Variants in NSMAF observed in about 807,000 individuals in gnomAD.
The protein encoded by NSMAF is protein FAN.
NSMAF carries 90 observed loss-of-function variants against 134.9 expected under a neutral mutation model. That is an observed-to-expected ratio of 0.67 (90% CI 0.56 to 0.79). NSMAF has a LOEUF of 0.79. NSMAF is among the 30% of genes least tolerant of loss of function. NSMAF has a pLI of 0.00. For missense variants in NSMAF, 1,010 were observed against 1,119.0 expected, an observed-to-expected ratio of 0.90 and a Z score of 1.39; for synonymous variants, 358 against 389.6, an observed-to-expected ratio of 0.92 and a Z score of 0.96.
chr8:58,633,373 C>T (rs1042556507), intron 5 of NSMAF, among the ~76,000 whole-genome samples: 1 of 152,236 alleles, frequency 6.6e-6, no homozygotes, highest in Non-Finnish European at 1.5e-5. Context: ...AGCTCAATGC[C>T]TTAAGCCTTC....
chr8:58,600,635 A>G (rs1042165828), intron 16 of NSMAF, among the ~76,000 whole-genome samples: 2 of 150,716 alleles, frequency 1.3e-5, no homozygotes, highest in Non-Finnish European at 3.0e-5. Context: ...AAAAAAAAAA[A>G]AAAAAAAAAA....
intron 1 of NSMAF, chr8:58,659,246 G>A (rs1053000181): frequency 1.3e-6 from 2 of 1,503,772 alleles, no homozygotes; most frequent in African/African-American, 2.9e-5. Context: ...CCCGGACCCC[G>A]CGCGGCCTTC....
chr8:58,654,464 C>T (rs1027225263), intron 1 of NSMAF, among the ~76,000 whole-genome samples: 13 of 152,092 alleles, frequency 8.5e-5, no homozygotes, highest in African/African-American at 4.8e-5. Context: ...GCAGGAGAAT[C>T]GCTTGAACCC....
intron 6 of NSMAF, among the ~76,000 whole-genome samples, chr8:58,627,223 G>A (rs924772090): frequency 6.6e-6 from 1 of 151,990 alleles, no homozygotes; most frequent in Non-Finnish European, 1.5e-5. Context: ...ATTAGGTCCC[G>A]TTTATTTATT....
At position 58,659,682 on chromosome 8, in the gene NSMAF, C is replaced by A; in HGVS notation, c.-51G>T. ...AGCGCACAGGCAGGCCCCGCCGCCG[C>A]CTGCCGAGGAGGTCCGGAGGAGCCG... On this transcript the variant is annotated 5_prime_UTR_variant, in exon 1 of 31. Coordinates refer to ENST00000038176, the MANE Select transcript of NSMAF (RefSeq NM_003580.4). The A allele has an allele frequency of 1.5e-6, 2 of 1,335,428 alleles. No individual in the cohort carries two copies. Among genetic ancestry groups the A allele is most frequent in the South Asian group, 1.9e-5 (1 of 51,882 alleles). The allele number at this position is 1,335,428 out of a possible 1,614,324, so 82.7% of individuals were successfully genotyped here.
rs1376873020 is a variant in NSMAF at position 58,583,878 on chromosome 8, C to G, written c.*228G>C. ...CATACGGGGACGATCATCTGCCTTA[C>G]AGTGTAACATGTTTTTCCTAACACA... On this transcript the variant is annotated 3_prime_UTR_variant, in exon 31 of 31. Coordinates refer to ENST00000038176, the MANE Select transcript of NSMAF (RefSeq NM_003580.4). The G allele has an allele frequency of 5.7e-6, 3 of 530,322 alleles. No homozygotes were observed. In the African/African-American group the frequency reaches 5.8e-5, roughly 10 times the overall value. The allele number at this position is 530,322 out of a possible 1,614,324, so 32.9% of individuals were successfully genotyped here. A position where few individuals can be genotyped will look rare whatever the true frequency, so the allele number is the denominator to read the frequency against.
intron 1 of NSMAF, among the ~76,000 whole-genome samples, chr8:58,645,913 C>A (rs1031152448): frequency 2.0e-5 from 3 of 152,002 alleles, no homozygotes; most frequent in Non-Finnish European, 4.4e-5. Flanking sequence ...TGGTGGCGGG[C>A]GCCTATAATC....
chr8:58,596,236 TTC>T (rs1173371999), intron 21 of NSMAF, among the ~76,000 whole-genome samples: 4 of 152,222 alleles, frequency 2.6e-5, no homozygotes, highest in African/African-American at 7.2e-5. Flanking sequence ...CTCTAGAGTA[TTC>T]TCTCTTAAAG....
chr8:58,640,006 G>A (rs1343382040), intron 2 of NSMAF: 1 of 451,790 alleles, frequency 2.2e-6, no homozygotes, highest in Non-Finnish European at 4.4e-6. Flanking sequence ...GCTTTGTTCA[G>A]GCAAGAGTAA....
intron 8 of NSMAF, 41 bp downstream of exon 8, chr8:58,623,336 T>C (rs762222824): frequency 4.6e-5 from 74 of 1,608,386 alleles, no homozygotes; most frequent in Non-Finnish European, 5.4e-5. Flanking sequence ...TCAATACAAG[T>C]TAATTGACAA....
chr8:58,633,228 A>T (rs899930337), intron 5 of NSMAF, among the ~76,000 whole-genome samples: 25 of 152,198 alleles, frequency 1.6e-4, no homozygotes, highest in African/African-American at 6.0e-4. Context: ...GCCTCCCTTG[A>T]GTGTTCTCCT....
chr8:58,609,211 C>T (rs1463382783), intron 10 of NSMAF, among the ~76,000 whole-genome samples: 1 of 152,238 alleles, frequency 6.6e-6, no homozygotes, highest in Non-Finnish European at 1.5e-5. Flanking sequence ...GAAATACCAA[C>T]ATCTGTGTAT....
At chr8:58,627,555 T>C (rs11985566) in intron 6 of NSMAF, among the ~76,000 whole-genome samples, 47,914 of 152,040 alleles carry the variant, frequency 0.32, 7,898 homozygotes, top group Non-Finnish European at 0.35. Flanking sequence ...AGCACTGCTA[T>C]ACACCAACAA....
chr8:58,635,246 A>T (rs1437155469), intron 4 of NSMAF, 21 bp from the exon 5 acceptor site: 21 of 1,608,780 alleles, frequency 1.3e-5, no homozygotes, highest in Non-Finnish European at 1.8e-5. Context: ...GATAAAAGTC[A>T]TTAAATATAT....
Position 58,600,195 on chromosome 8 carries a change from GC to G in NSMAF, c.1281-175del. On this transcript the variant is annotated intron_variant, in intron 16 of 30. Coordinates refer to ENST00000038176, the MANE Select transcript of NSMAF (RefSeq NM_003580.4). ...CACTTTAACAAAAGGGAACACTGGG[GC>G]CCAGAGAGTTTATGTAACTTCTCCA... 5.0e-6 allele frequency: 3 copies of G among 605,670 alleles called. No individual in the cohort carries two copies. In the South Asian group the frequency reaches 6.2e-5, roughly 13 times the overall value. 37.5% of individuals were successfully genotyped at this position (605,670 alleles called of 1,614,324 possible).
intron 2 of NSMAF, among the ~76,000 whole-genome samples, chr8:58,640,750 C>A (rs1422720184): frequency 6.6e-6 from 1 of 151,804 alleles, no homozygotes; most frequent in Non-Finnish European, 1.5e-5. Context: ...TAAATAGAAA[C>A]AGAGTTTCGC....
chr8:58,593,887 T>C (rs952647606), intron 23 of NSMAF, among the ~76,000 whole-genome samples: 2 of 152,324 alleles, frequency 1.3e-5, no homozygotes, highest in East Asian at 3.9e-4. Flanking sequence ...CACACATCAA[T>C]TTCTGATACA....
At chr8:58,623,197 A>G (rs1009083093) in intron 9 of NSMAF, 23 bp downstream of exon 9, 2 of 1,561,498 alleles carry the variant, frequency 1.3e-6, no homozygotes, top group African/African-American at 2.7e-5. Flanking sequence ...TTTTCTAATT[A>G]GGAAAGATCA....
chr8:58,623,853 G>C, intron 6 of NSMAF, 73 bp from the exon 7 acceptor site: 1 of 1,202,188 alleles, frequency 8.3e-7, no homozygotes, highest in Non-Finnish European at 1.2e-6. Flanking sequence ...TTAAGAACAT[G>C]TGTACAGAAC....
Sources: gnomAD v4.1 joint callset for allele counts (sites outside exome capture counted in the v4.1 genomes callset) on GRCh38, gnomAD v4.1.1 for gene constraint, MANE v1.5 for transcripts, NCBI Gene and HGNC (gene_info 2026-07-23, HGNC 2026-07-21) for gene names.